Variants in USP42 observed in about 807,000 individuals in gnomAD.
The protein encoded by USP42 is ubiquitin specific peptidase 42, also known as ubiquitin carboxyl-terminal hydrolase 42.
Under a neutral mutation model 113.0 loss-of-function variants are expected in USP42, and 23 were observed. That is an observed-to-expected ratio of 0.20 (90% CI 0.15 to 0.29). The LOEUF (loss-of-function observed/expected upper bound fraction) is 0.29. USP42 is among the 10% of genes least tolerant of loss of function. The probability of loss-of-function intolerance (pLI) is 1.00; values close to 1 mark genes in which losing one functional copy is unlikely to be tolerated. For synonymous variants in USP42, 933 were observed against 699.0 expected (o/e 1.33, Z -5.28); for missense variants, 2,174 against 1,779.8 (o/e 1.22, Z -3.99).
chr7:6,156,996 CGAAACACTTACGGAT>C lies in USP42; in HGVS notation c.3886_3900del (p.Lys1296_Met1300del). 4 of 1,613,484 alleles carry C rather than the reference CGAAACACTTACGGAT, an allele frequency of 2.5e-6. No individual in the cohort carries two copies. The highest frequency in any genetic ancestry group is 3.4e-6 in the Non-Finnish European group (4 of 1,179,698). On this transcript the variant is annotated inframe_deletion, in exon 16 of 18. Transcript: ENST00000306177. The stretch of plus-strand genomic sequence containing the variant: ...GGCGTCGGACCTTTCCGTGAGAAAA[CGAAACACTTACGGAT>C]GGAAAGCAGGGATGACAGGTGTCGT...
At position 6,161,168 on chromosome 7, in the gene USP42, G is replaced by T. The variant is rs1782755600; in HGVS notation, c.*650G>T. ...ATTTACATTATGAATGTATAACCCAGACATGATTTGTAAAGCCGACAGTAT... is the reference window on the plus strand; with the variant it reads ...ATTTACATTATGAATGTATAACCCATACATGATTTGTAAAGCCGACAGTAT... On this transcript the variant is annotated 3_prime_UTR_variant, in exon 18 of 18. Coordinates refer to ENST00000306177, the MANE Select transcript of USP42 (RefSeq NM_032172.3). 6.6e-6 allele frequency: 1 copy of T among 152,610 alleles called. No individual in the cohort carries two copies. Among genetic ancestry groups the T allele is most frequent in the Non-Finnish European group, 1.5e-5 (1 of 68,040 alleles). 9.5% of individuals were successfully genotyped at this position (152,610 alleles called of 1,614,324 possible).
intron 9 of USP42, 93 bp downstream of exon 9, chr7:6,144,289 C>A: frequency 1.2e-6 from 1 of 831,362 alleles, no homozygotes; most frequent in Non-Finnish European, 1.8e-6. Flanking sequence ...TCGACTTTCT[C>A]ATGACAAAAT....
At chr7:6,128,113 A>C (rs558483834) in intron 3 of USP42, 1 of 151,954 alleles carries the variant, frequency 6.6e-6, no homozygotes, top group East Asian at 1.9e-4. Context: ...ATGACCAGCT[A>C]ATTTTTTTAT....
chr7:6,121,890 G>A (rs1780245349), intron 3 of USP42, among the ~76,000 whole-genome samples: 1 of 152,114 alleles, frequency 6.6e-6, no homozygotes, highest in South Asian at 2.1e-4. Flanking sequence ...TGAACTCCTG[G>A]CTTCAAATGA....
chr7:6,137,391 C>T (rs1242749610), intron 4 of USP42, among the ~76,000 whole-genome samples: 1 of 152,248 alleles, frequency 6.6e-6, no homozygotes, highest in Non-Finnish European at 1.5e-5. Flanking sequence ...TGGAGTCTCG[C>T]TCTGTCCCCA....
chr7:6,139,733 T>A lies in USP42; in HGVS notation c.657-395T>A, dbSNP rs1781342482. 1 of 312,116 alleles carries A rather than the reference T, an allele frequency of 3.2e-6. No individual in the cohort carries two copies. Among genetic ancestry groups the A allele is most frequent in the South Asian group, 3.1e-5 (1 of 32,006 alleles). 19.3% of individuals were successfully genotyped at this position (312,116 alleles called of 1,614,324 possible). A position where few individuals can be genotyped will look rare whatever the true frequency, so the allele number is the denominator to read the frequency against. On this transcript the variant is annotated intron_variant, in intron 5 of 17. Transcript: ENST00000306177. This position sits in a 1 kb window ranked among gnomAD's most constrained non-coding sequence, Gnocchi z 4.5. ...TTCTCCCTGCCCTGGCACCGCCCTGTCTAGGACTTCATTGTCCGGGTGATG... is the reference window on the plus strand; with the variant it reads ...TTCTCCCTGCCCTGGCACCGCCCTGACTAGGACTTCATTGTCCGGGTGATG...
intron 3 of USP42, among the ~76,000 whole-genome samples, chr7:6,123,335 C>T (rs1308715763): frequency 1.3e-5 from 2 of 151,860 alleles, no homozygotes; most frequent in Non-Finnish European, 1.5e-5. Context: ...CCAGCCTGAG[C>T]TACATAGTGA....
At chr7:6,145,473 C>G in intron 9 of USP42, 43 bp from the exon 10 acceptor site, 2 of 1,612,726 alleles carry the variant, frequency 1.2e-6, no homozygotes, top group South Asian at 2.2e-5. Context: ...GTGGAATGAT[C>G]TGTGCCCTCG....
At chr7:6,102,770 T>C (rs1413894011), upstream of USP42, among the ~76,000 whole-genome samples, 1 of 150,746 alleles carries the variant, frequency 6.6e-6, no homozygotes, top group African/African-American at 2.5e-5. Flanking sequence ...GAAAGGGAAC[T>C]TGGAGTTTCT....
upstream of USP42, among the ~76,000 whole-genome samples, chr7:6,103,750 AAAAAAC>A (rs1411660301): frequency 5.3e-5 from 8 of 149,840 alleles, no homozygotes; most frequent in African/African-American, 2.0e-4. Context: ...AAAAAAAAAA[AAAAAAC>A]AAAACTTAAA....
intron 7 of USP42, 41 bp from the exon 8 acceptor site, chr7:6,142,891 G>A (rs1297357534): frequency 8.1e-6 from 13 of 1,598,306 alleles, no homozygotes; most frequent in African/African-American, 1.3e-5. Context: ...CACAAGTGAC[G>A]GTGTGCGGTG....
At chr7:6,094,096 C>G in the USP42 span, among the ~76,000 whole-genome samples, 1 of 150,970 alleles carries the variant, frequency 6.6e-6, no homozygotes, top group African/African-American at 2.5e-5. Context: ...GTTGGTCAGT[C>G]TGGTCTTGAA....
rs768408122 is a variant in USP42 at position 6,149,641 on chromosome 7, C to T, written c.1445C>T (p.Ser482Leu). Reference sequence around the variant, plus strand: ...AAAGACACGCCAAGCAGTTCCATGTCGAGTCCTAACGGGAATTCCAGTGTC... The same window carrying T: ...AAAGACACGCCAAGCAGTTCCATGTTGAGTCCTAACGGGAATTCCAGTGTC... ...PLKDTPSSSMSSPNGNSSVNR... is the reference protein window; with the variant it reads ...PLKDTPSSSMLSPNGNSSVNR... The change falls in exon 13 of 18, where the codon TCG becomes TTG. Residue 482 changes from serine to leucine, a missense_variant. Physicochemically the swap from Ser to Leu is moderately radical, Grantham distance 145. Transcript: ENST00000306177. 22 of 1,613,960 alleles carry T rather than the reference C, an allele frequency of 1.4e-5. No individual in the cohort carries two copies. The highest frequency in any genetic ancestry group is 1.9e-5 in the Non-Finnish European group (22 of 1,179,888).
upstream of USP42, among the ~76,000 whole-genome samples, chr7:6,099,949 C>G (rs1430328209): frequency 7.7e-6 from 1 of 129,776 alleles, no homozygotes; most frequent in Non-Finnish European, 1.5e-5. Flanking sequence ...GGTGACAGAA[C>G]GAGACTCCCT....
intron 3 of USP42, among the ~76,000 whole-genome samples, chr7:6,124,766 C>T (rs578247023): frequency 1.3e-5 from 2 of 151,516 alleles, no homozygotes; most frequent in East Asian, 3.9e-4. Flanking sequence ...TTTTTCCTGC[C>T]TTCTTTTGGA....
intron 7 of USP42, among the ~76,000 whole-genome samples, chr7:6,142,020 A>G (rs1261143639): frequency 1.3e-5 from 2 of 152,076 alleles, no homozygotes; most frequent in Non-Finnish European, 2.9e-5. Flanking sequence ...CAGTGAATGG[A>G]TAGACTGTAA....
chr7:6,152,938 C>T, intron 14 of USP42: 2 of 985,054 alleles, frequency 2.0e-6, no homozygotes, highest in Non-Finnish European at 2.4e-6. Flanking sequence ...CCTGTCATCA[C>T]TGGACTTTTT....
At chr7:6,122,796 G>T (rs1417989620) in intron 3 of USP42, among the ~76,000 whole-genome samples, 5 of 150,318 alleles carry the variant, frequency 3.3e-5, no homozygotes, top group African/African-American at 7.4e-5. Flanking sequence ...TAGAGATAGG[G>T]TCTCACTAAG....
the USP42 span, among the ~76,000 whole-genome samples, chr7:6,088,274 C>T: frequency 8.6e-5 from 13 of 150,404 alleles, no homozygotes; most frequent in South Asian, 8.3e-4. Flanking sequence ...TTTCTTTTTG[C>T]GACGGAGTCT....
Sources: gnomAD v4.1 joint callset for allele counts (sites outside exome capture counted in the v4.1 genomes callset) on GRCh38, gnomAD v4.1.1 for gene constraint, Gnocchi (gnomAD v3.1) non-coding constraint, MANE v1.5 for transcripts, NCBI Gene and HGNC (gene_info 2026-07-23, HGNC 2026-07-21) for gene names.